Variants in TXNDC8 observed in about 807,000 individuals in gnomAD.
The protein encoded by TXNDC8 is thioredoxin domain-containing protein 8.
In TXNDC8, 15 loss-of-function variants were observed where a neutral mutation model predicts 12.9. That is an observed-to-expected ratio of 1.16 (90% CI 0.78 to 1.79). The LOEUF (loss-of-function observed/expected upper bound fraction) is 1.79, where lower values mean the gene tolerates loss of function less well. Among genes scored for constraint, TXNDC8 ranks in the 40% most tolerant of loss-of-function variants. TXNDC8 has a pLI of 0.00. For synonymous variants in TXNDC8, 40 were observed against 35.4 expected, an observed-to-expected ratio of 1.13 and a Z score of -0.46; for missense variants, 128 against 113.2, an observed-to-expected ratio of 1.13 and a Z score of -0.59.
chr9:110,319,193 C>T (rs1054684935), intron 3 of TXNDC8, among the ~76,000 whole-genome samples: 3 of 152,134 alleles, frequency 2.0e-5, no homozygotes, highest in Non-Finnish European at 4.4e-5. Flanking sequence ...TTTTTTTCCT[C>T]ATGCAGAACA....
At chr9:110,302,652 A>G (rs968701855), downstream of TXNDC8, among the ~76,000 whole-genome samples, 4 of 150,676 alleles carry the variant, frequency 2.7e-5, no homozygotes, top group Admixed American at 6.6e-5. Context: ...TTTTTTTTCA[A>G]TAGGCAGTAA....
chr9:110,323,325 G>A, intron 3 of TXNDC8: 1 of 985,488 alleles, frequency 1.0e-6, no homozygotes, highest in South Asian at 4.7e-5. Context: ...AGCCAGAGGA[G>A]AGCATAGGGA....
At chr9:110,333,481 G>C (rs888540215) in intron 2 of TXNDC8, among the ~76,000 whole-genome samples, 65 of 152,064 alleles carry the variant, frequency 4.3e-4, no homozygotes, top group African/African-American at 1.5e-3. Flanking sequence ...AAAAGGTTGG[G>C]GACCACTGTG....
intron 3 of TXNDC8, among the ~76,000 whole-genome samples, chr9:110,311,520 G>GATATAT (rs1564095989): frequency 1.0e-3 from 17 of 16,536 alleles, no homozygotes; most frequent in African/African-American, 2.8e-3. Context: ...AAAATAAAGA[G>GATATAT]GTATATATAT....
At chr9:110,324,742 G>A (rs548105596) in intron 3 of TXNDC8, among the ~76,000 whole-genome samples, 1 of 152,108 alleles carries the variant, frequency 6.6e-6, no homozygotes, top group African/African-American at 2.4e-5. Flanking sequence ...TAAGCATTTT[G>A]TGTCTCCTAC....
intron 3 of TXNDC8, among the ~76,000 whole-genome samples, chr9:110,325,341 A>G (rs1839267088): frequency 6.6e-6 from 1 of 152,156 alleles, no homozygotes; most frequent in African/African-American, 2.4e-5. Context: ...GAAAACTAAG[A>G]TATAAACAGA....
At chr9:110,323,347 T>G (rs1475036189) in intron 3 of TXNDC8, 4 of 985,324 alleles carry the variant, frequency 4.1e-6, no homozygotes, top group Admixed American at 1.2e-4. Flanking sequence ...GGATGAGAGA[T>G]AAAGTCAAAA....
chr9:110,303,041 G>A (rs1055169460), downstream of TXNDC8, among the ~76,000 whole-genome samples: 4 of 151,590 alleles, frequency 2.6e-5, no homozygotes, highest in South Asian at 2.1e-4. Flanking sequence ...TCCAGGCTGG[G>A]CAACAGAGCA....
At chr9:110,324,899 G>A (rs1365590157) in intron 3 of TXNDC8, among the ~76,000 whole-genome samples, 1 of 152,172 alleles carries the variant, frequency 6.6e-6, no homozygotes, top group Non-Finnish European at 1.5e-5. Context: ...ATCACTTGAG[G>A]CCAGGAGTTT....
At chr9:110,318,829 C>T (rs1838984077) in intron 3 of TXNDC8, among the ~76,000 whole-genome samples, 1 of 152,032 alleles carries the variant, frequency 6.6e-6, no homozygotes, top group African/African-American at 2.4e-5. Flanking sequence ...TATTAAAACT[C>T]AGTGCAAAAA....
At chr9:110,320,156 C>A (rs562934660) in intron 3 of TXNDC8, among the ~76,000 whole-genome samples, 3 of 152,072 alleles carry the variant, frequency 2.0e-5, no homozygotes, top group Non-Finnish European at 2.9e-5. Context: ...CTTGCTAATT[C>A]TTGGTTTCTC....
At chr9:110,323,457 G>A (rs1839188767) in intron 3 of TXNDC8, 2 of 504,506 alleles carry the variant, frequency 4.0e-6, no homozygotes, top group Non-Finnish European at 5.1e-6. Flanking sequence ...ATTAGGTGCA[G>A]GGAGATCCTT....
intron 3 of TXNDC8, among the ~76,000 whole-genome samples, chr9:110,319,616 T>C (rs1824982150): frequency 6.6e-6 from 1 of 152,222 alleles, no homozygotes; most frequent in South Asian, 2.1e-4. Context: ...TGGCAAAAAC[T>C]TACTGAAGAT....
intron 1 of TXNDC8, among the ~76,000 whole-genome samples, chr9:110,334,907 TTA>T (rs377281600): frequency 0.38 from 58,108 of 151,902 alleles, 12,666 homozygotes; most frequent in African/African-American, 0.6. Flanking sequence ...GAAGTGATCA[TTA>T]TTACAGCTAC....
intron 3 of TXNDC8, among the ~76,000 whole-genome samples, chr9:110,313,884 T>A (rs1461069696): frequency 6.6e-6 from 1 of 152,140 alleles, no homozygotes; most frequent in African/African-American, 2.4e-5. Context: ...CCTACCTGTC[T>A]AGGAATAAAC....
chr9:110,315,545 A>G (rs1174729827), intron 3 of TXNDC8, among the ~76,000 whole-genome samples: 1 of 152,176 alleles, frequency 6.6e-6, no homozygotes, highest in Non-Finnish European at 1.5e-5. Context: ...GAGTCTGACT[A>G]ATGACACACT....
rs1272565797 is a variant in TXNDC8 at position 110,311,529 on chromosome 9, A to ATATATG, written c.196-6998_196-6997insCATATA. ...GTTACAAAAATAAAGAGGTATATAT[A>ATATATG]TATATATATATATATATATATATAT... is the stretch of plus-strand genomic sequence containing the variant. On this transcript the variant is annotated intron_variant, in intron 3 of 4. Transcript: ENST00000423740. Among the ~76,000 whole-genome samples, 65 of 105,296 alleles carry ATATATG rather than the reference A, an allele frequency of 6.2e-4. 2 individuals carry two copies. The highest frequency in any genetic ancestry group is 3.5e-3 in the African/African-American group (65 of 18,750). The allele number at this position is 105,296 out of a possible 152,430, so 69.1% of individuals were successfully genotyped here.
At chr9:110,326,345 G>T in intron 2 of TXNDC8, 105 bp from the exon 4 acceptor site, 2 of 1,045,246 alleles carry the variant, frequency 1.9e-6, no homozygotes, top group Non-Finnish European at 3.0e-6. Context: ...AAATTCCAAG[G>T]ACACCTGACA....
At chr9:110,333,072 G>T (rs1310551912) in intron 2 of TXNDC8, among the ~76,000 whole-genome samples, 1 of 152,164 alleles carries the variant, frequency 6.6e-6, no homozygotes, top group Non-Finnish European at 1.5e-5. Flanking sequence ...GGTTGCCAGG[G>T]AACAGGGAAG....
Sources: gnomAD v4.1 joint callset for allele counts (sites outside exome capture counted in the v4.1 genomes callset) on GRCh38, gnomAD v4.1.1 for gene constraint, MANE v1.5 for transcripts, NCBI Gene and HGNC (gene_info 2026-07-23, HGNC 2026-07-21) for gene names.